The following RBAK variants were observed in gnomAD, a reference collection of about 807,000 sequenced individuals.
RBAK encodes RB-associated KRAB zinc finger protein.
A neutral mutation model predicts 65.8 loss-of-function variants in RBAK; 39 were observed. The observed-to-expected ratio is 0.59, with a 90% CI of 0.46 to 0.77. RBAK has a LOEUF of 0.77. RBAK is among the 30% of genes least tolerant of loss of function. RBAK has a pLI of 0.00. For missense variants in RBAK, 884 were observed against 855.1 expected, an observed-to-expected ratio of 1.03 and a Z score of -0.42; for synonymous variants, 343 against 289.7, an observed-to-expected ratio of 1.18 and a Z score of -1.87.
chr7:5,059,112 T>C (rs1779006669), intron 4 of RBAK, among the ~76,000 whole-genome samples: 1 of 152,218 alleles, frequency 6.6e-6, no homozygotes, highest in Non-Finnish European at 1.5e-5. Flanking sequence ...TGGTTTGTGT[T>C]CTTTGTCTTC....
chr7:5,062,868 C>T (rs990348886), intron 4 of RBAK, among the ~76,000 whole-genome samples: 1 of 152,192 alleles, frequency 6.6e-6, no homozygotes, highest in Non-Finnish European at 1.5e-5. Context: ...CTGTTCCACC[C>T]GGCTCACCGG....
rs767879426 is a variant in RBAK, at chr7:5,064,900, G to T, written c.1444G>T (p.Glu482Ter). The stretch of plus-strand genomic sequence containing the variant: ...TAGACATCGGAAAGTACACACAGAA[G>T]AGAAATCCCATGAATGTAGTGAATG... ...FIRHRKVHTEEKSHECSECGK... is the reference protein window; with the variant it reads ...FIRHRKVHTE The change falls in exon 5 of 5, where the codon GAG becomes TAG. Residue 482 changes from glutamate (E) to a stop codon, truncating the protein, a stop_gained. Coordinates refer to ENST00000396912, the MANE Select transcript of RBAK (RefSeq NM_021163.4). LOFTEE classifies it high-confidence loss of function. The surrounding 1 kb of genome is among the most constrained non-coding windows in gnomAD (Gnocchi z 6.3). 2 of 1,613,894 alleles carry T rather than the reference G, an allele frequency of 1.2e-6. No individual in the cohort carries two copies. The highest frequency in any genetic ancestry group is 1.3e-5 in the African/African-American group (1 of 74,914).
Position 5,067,821 on chromosome 7 carries a change from T to C in RBAK, c.*2220T>C, listed in dbSNP as rs542606100. 1.3e-5 allele frequency: 2 copies of C among 152,268 alleles called. No individual in the cohort carries two copies. Among genetic ancestry groups the C allele is most frequent in the Admixed American group, 1.3e-4 (2 of 15,284 alleles). 9.4% of individuals were successfully genotyped at this position (152,268 alleles called of 1,614,324 possible). On this transcript the variant is annotated 3_prime_UTR_variant, in exon 5 of 5. Transcript: ENST00000396912. ...TTTTGAGAAAGGTGACATTGAAGTGTAGTGGGGGAAAGGGTGTTCTTTCCA... is the reference window on the plus strand; with the variant it reads ...TTTTGAGAAAGGTGACATTGAAGTGCAGTGGGGGAAAGGGTGTTCTTTCCA...
At chr7:5,055,205 A>C (rs1471432728) in intron 2 of RBAK, among the ~76,000 whole-genome samples, 2 of 151,630 alleles carry the variant, frequency 1.3e-5, no homozygotes, top group African/African-American at 2.4e-5. Context: ...TTCCCTGTTA[A>C]GTAAAATCCT....
chr7:5,057,539 T>C (rs1484496839), intron 3 of RBAK, 118 bp downstream of exon 3: 1 of 1,595,846 alleles, frequency 6.3e-7, no homozygotes, highest in Non-Finnish European at 8.5e-7. Flanking sequence ...GTGTTTATAT[T>C]ATTATTCATT....
At chr7:5,049,098 T>A (rs111621155) in intron 2 of RBAK, among the ~76,000 whole-genome samples, 5,849 of 152,330 alleles carry the variant, frequency 0.038, 414 homozygotes, top group African/African-American at 0.13. Flanking sequence ...ACTTTGTTAC[T>A]TGTGGATTTA....
rs769718726 is a variant in RBAK at position 5,066,720 on chromosome 7, A to T, written c.*1119A>T. 2.6e-5 allele frequency: 4 copies of T among 152,152 alleles called. No homozygotes were observed. The highest frequency in any genetic ancestry group is 2.6e-4 in the Admixed American group (4 of 15,276). The allele number at this position is 152,152 out of a possible 1,614,324, so 9.4% of individuals were successfully genotyped here. The stretch of plus-strand genomic sequence containing the variant: ...TCCTCGCTCCATTTCTTGCTGGAAC[A>T]GTTTAGGTACCTACCACTTCTTCAC... On this transcript the variant is annotated 3_prime_UTR_variant, in exon 5 of 5. Coordinates refer to ENST00000396912, the MANE Select transcript of RBAK (RefSeq NM_021163.4).
chr7:5,064,863 T>G lies in RBAK; in HGVS notation c.1407T>G (p.Asn469Lys), dbSNP rs1374792631. 1 of 1,613,660 alleles carries G rather than the reference T, an allele frequency of 6.2e-7. No homozygotes were observed. The highest frequency in any genetic ancestry group is 8.5e-7 in the Non-Finnish European group (1 of 1,179,802). The change falls in exon 5 of 5, where the codon AAT (asparagine) becomes AAG (lysine). Residue 469 changes from asparagine to lysine, a missense_variant. By Grantham distance (94) the Asn-to-Lys change is moderately conservative. Transcript: ENST00000396912. The surrounding 1 kb of genome is among the most constrained non-coding windows in gnomAD (Gnocchi z 6.3). ...CNECGKTFNL[N>K]SAFIRHRKVH... is the part of the protein sequence containing the mutation. ...AATGTGGCAAAACCTTCAATTTAAA[T>G]TCAGCCTTCATTAGACATCGGAAAG... is the stretch of plus-strand genomic sequence containing the variant.
rs946195774 is a variant in RBAK, at chr7:5,063,781, A to T, written c.325A>T (p.Thr109Ser). Residue 109 changes from threonine to serine, a missense_variant, in exon 5 of 5, where the codon ACC becomes TCC. By Grantham distance (58) the Thr-to-Ser change is moderately conservative (BLOSUM62 1). Coordinates refer to ENST00000396912, the MANE Select transcript of RBAK (RefSeq NM_021163.4). Reference protein sequence around the residue: ...SRQAACINSKTLTEEKENTFS... With the variant: ...SRQAACINSKSLTEEKENTFS... ...GCAAGCTGCTTGTATCAATAGCAAA[A>T]CCCTGACTGAAGAGAAAGAGAATAC... is the stretch of plus-strand genomic sequence containing the variant. 6.2e-7 allele frequency: 1 copy of T among 1,613,930 alleles called. No individual in the cohort carries two copies. The highest frequency in any genetic ancestry group is 8.5e-7 in the Non-Finnish European group (1 of 1,179,964).
rs751899621 is a variant in RBAK, at chr7:5,065,671, C to T, written c.*70C>T. 35 of 1,179,500 alleles carry T rather than the reference C, an allele frequency of 3.0e-5. No homozygotes were observed. The highest frequency in any genetic ancestry group is 9.8e-5 in the South Asian group (5 of 50,868). The allele number at this position is 1,179,500 out of a possible 1,614,324, so 73.1% of individuals were successfully genotyped here. On this transcript the variant is annotated 3_prime_UTR_variant, in exon 5 of 5. Coordinates refer to ENST00000396912, the MANE Select transcript of RBAK (RefSeq NM_021163.4). The surrounding 1 kb of genome is among the most constrained non-coding windows in gnomAD (Gnocchi z 5.3). Reference sequence around the variant, plus strand: ...TGGGGAATCCAATAGGAAGTCAAAGCGTTTATCTGAGAGTTCGTGTTCCTG... The same window carrying T: ...TGGGGAATCCAATAGGAAGTCAAAGTGTTTATCTGAGAGTTCGTGTTCCTG...
At chr7:5,055,690 T>A (rs1245724432) in intron 2 of RBAK, among the ~76,000 whole-genome samples, 2 of 152,232 alleles carry the variant, frequency 1.3e-5, no homozygotes, top group Non-Finnish European at 1.5e-5. Flanking sequence ...TAAGTGGTAT[T>A]GGCATGTAAT....
chr7:5,056,558 T>C (rs1393756443), intron 2 of RBAK, among the ~76,000 whole-genome samples: 1 of 152,200 alleles, frequency 6.6e-6, no homozygotes, highest in Non-Finnish European at 1.5e-5. Flanking sequence ...TGAAGCCTAA[T>C]CTGATGGCAT....
intron 4 of RBAK, among the ~76,000 whole-genome samples, chr7:5,059,282 C>CCTCCCTTTCTTCCTCTCCTCCCTCT (rs1264523231): frequency 2.9e-4 from 44 of 151,732 alleles, no homozygotes; most frequent in African/African-American, 9.9e-4. Flanking sequence ...ACATATTTTC[C>CCTCCCTTTCTTCCTCTCCTCCCTCT]CTCCCTTTCT....
At chr7:5,058,584 G>T (rs950687301) in intron 4 of RBAK, among the ~76,000 whole-genome samples, 1 of 152,188 alleles carries the variant, frequency 6.6e-6, no homozygotes, top group South Asian at 2.1e-4. Context: ...GTCACAGCTT[G>T]TGGTGTCTGT....
intron 4 of RBAK, among the ~76,000 whole-genome samples, chr7:5,059,033 A>T (rs1444816797): frequency 6.6e-6 from 1 of 152,182 alleles, no homozygotes; most frequent in Non-Finnish European, 1.5e-5. Flanking sequence ...AACTGTGCAC[A>T]TTCCAAAATC....
chr7:5,057,288 A>T lies in RBAK; in HGVS notation c.16-7A>T, dbSNP rs1454403465. 6.2e-7 allele frequency: 1 copy of T among 1,613,952 alleles called. No homozygotes were observed. Among genetic ancestry groups the T allele is most frequent in the East Asian group, 2.2e-5 (1 of 44,862 alleles). On this transcript the variant is annotated splice_region_variant and splice_polypyrimidine_tract_variant and intron_variant, in intron 2 of 4. Coordinates refer to ENST00000396912, the MANE Select transcript of RBAK (RefSeq NM_021163.4). ...ATCTCCCAATTCTGATCATGTTGCC[A>T]TTACAGGGGCCAGTGTCATTCAAAG...
chr7:5,063,636 C>A, intron 4 of RBAK, 59 bp from the exon 5 acceptor site: 1 of 1,361,246 alleles, frequency 7.3e-7, no homozygotes, highest in Non-Finnish European at 9.8e-7. Context: ...AATACCAGTA[C>A]CTTTCCATAG....
In RBAK at chr7:5,069,320, TC is replaced by T. The variant is rs1431000424; in HGVS notation, c.*3721del. The T allele has an allele frequency of 6.6e-6, 1 of 152,206 alleles. No homozygotes were observed. The highest frequency in any genetic ancestry group is 1.5e-5 in the Non-Finnish European group (1 of 68,034). 9.4% of individuals were successfully genotyped at this position (152,206 alleles called of 1,614,324 possible). On this transcript the variant is annotated 3_prime_UTR_variant, in exon 5 of 5. Transcript: ENST00000396912. ...AATTTTGATGGCAACTACTAAGATT[TC>T]CTACGCTGTCCTTAAAGCTTAGCAT...
In RBAK at chr7:5,057,665, C is replaced by T. The variant is rs1469738355; in HGVS notation, c.143-19C>T. 1.7e-5 allele frequency: 27 copies of T among 1,613,532 alleles called. No homozygotes were observed. Among genetic ancestry groups the T allele is most frequent in the Non-Finnish European group, 2.3e-5 (27 of 1,179,694 alleles). ...AGCCAAGCAGCTTCCCCAAGTCCTC[C>T]TTCTTTTCCCATTAACAGGATATGA... is the stretch of plus-strand genomic sequence containing the variant. On this transcript the variant is annotated intron_variant, in intron 3 of 4. Coordinates refer to ENST00000396912, the MANE Select transcript of RBAK (RefSeq NM_021163.4).
Sources: allele counts gnomAD v4.1 joint callset (sites outside exome capture counted in the v4.1 genomes callset), GRCh38; gene constraint gnomAD v4.1.1; non-coding constraint Gnocchi (gnomAD v3.1); transcripts MANE v1.5; gene names NCBI Gene and HGNC (gene_info 2026-07-23, HGNC 2026-07-21).